ROBO1: variants seen among roughly 807,000 people sequenced by gnomAD.
ROBO1 encodes roundabout guidance receptor 1, also known as roundabout homolog 1.
Under a neutral mutation model 195.9 loss-of-function variants are expected in ROBO1, and 149 were observed. The ratio of observed to expected loss-of-function variants is 0.76; its 90% confidence interval spans 0.67 to 0.87. The LOEUF (loss-of-function observed/expected upper bound fraction) is 0.87, where lower values mean the gene tolerates loss of function less well. Ranked by LOEUF, ROBO1 falls within the 40% of genes least tolerant of loss-of-function variation. The pLI, the probability that ROBO1 is intolerant of heterozygous loss-of-function variation, is 0.00. For synonymous variants in ROBO1, 816 were observed against 733.2 expected (o/e 1.11, Z -1.82); for missense variants, 1,933 against 2,068.3 (o/e 0.93, Z 1.27).
At chr3:79,040,666 A>T (rs1444462004) in intron 3 of ROBO1, among the ~76,000 whole-genome samples, 1 of 152,154 alleles carries the variant, frequency 6.6e-6, no homozygotes, top group Non-Finnish European at 1.5e-5. Flanking sequence ...TGTTGTTATT[A>T]GAGTGTTACT....
intron 2 of ROBO1, among the ~76,000 whole-genome samples, chr3:79,418,868 G>A (rs2106919305): frequency 6.6e-6 from 1 of 152,222 alleles, no homozygotes; most frequent in East Asian, 1.9e-4. Flanking sequence ...TTAATTCTAA[G>A]AGGGCTTGGG....
intron 8 of ROBO1, among the ~76,000 whole-genome samples, 164 bp downstream of exon 8, chr3:78,714,233 T>C (rs970576325): frequency 1.3e-5 from 2 of 152,182 alleles, no homozygotes; most frequent in Admixed American, 6.6e-5. Context: ...AGAGCTCCCA[T>C]AGGCAAAACA....
rs925005242 is a variant in ROBO1 at position 78,746,817 on chromosome 3, G to A, written c.583C>T (p.Arg195Ter). 2.5e-6 allele frequency: 4 copies of A among 1,603,102 alleles called. No individual in the cohort carries two copies. The highest frequency in any genetic ancestry group is 3.4e-6 in the Non-Finnish European group (4 of 1,172,204). Residue 195 changes from arginine (R) to a stop codon, truncating the protein, a stop_gained, in exon 5 of 31, where the codon CGA becomes TGA. Transcript: ENST00000464233. LOFTEE classifies it high-confidence loss of function. ...GAAATGGTGGGCTCAGGATGGCCTC[G>A]TGGAGGTTGGCATTCCATTACTGCA... is the stretch of plus-strand genomic sequence containing the variant. Reference protein sequence around the residue: ...EPAVMECQPPRGHPEPTISWK... With the variant: ...EPAVMECQPP
intron 2 of ROBO1, among the ~76,000 whole-genome samples, chr3:79,569,527 C>T (rs1175377572): frequency 1.3e-5 from 2 of 151,692 alleles, no homozygotes; most frequent in Non-Finnish European, 2.9e-5. Context: ...TTATTTTGTC[C>T]AACACTGAAC....
chr3:79,215,340 A>G (rs1460691770), intron 2 of ROBO1, among the ~76,000 whole-genome samples: 1 of 152,084 alleles, frequency 6.6e-6, no homozygotes, highest in Non-Finnish European at 1.5e-5. Context: ...TCTTCCATCT[A>G]TAACCTTTTT....
intron 1 of ROBO1, among the ~76,000 whole-genome samples, chr3:79,760,236 CAA>C (rs11451206): frequency 0.022 from 97 of 4,418 alleles, no homozygotes; most frequent in Non-Finnish European, 0.028. Context: ...GACCCTATCT[CAA>C]AAAAAAAAAA....
At chr3:79,148,252 C>T (rs536485394) in intron 2 of ROBO1, among the ~76,000 whole-genome samples, 164 of 151,784 alleles carry the variant, frequency 1.1e-3, no homozygotes, top group Middle Eastern at 6.8e-3. Flanking sequence ...AACAGCACCA[C>T]GATGGTAAAC....
At chr3:79,679,267 T>C (rs1030336800) in intron 1 of ROBO1, among the ~76,000 whole-genome samples, 1 of 151,986 alleles carries the variant, frequency 6.6e-6, no homozygotes, top group Non-Finnish European at 1.5e-5. Context: ...AAACAACGTG[T>C]CTTTGATTTT....
At chr3:79,313,420 G>A (rs567002575) in intron 2 of ROBO1, among the ~76,000 whole-genome samples, 1 of 152,158 alleles carries the variant, frequency 6.6e-6, no homozygotes, top group Non-Finnish European at 1.5e-5. Flanking sequence ...TAAGACTGAT[G>A]GATTGTCTAC....
At position 79,714,792 on chromosome 3, in the gene ROBO1, G is replaced by T. The variant is rs1702417104; in HGVS notation, c.-51+52960C>A. On this transcript the variant is annotated intron_variant, in intron 1 of 30. Transcript: ENST00000464233. ...ATGTTCTCACTCATAGGTGGGAATTGAACAATGGGAACACATGGGCACAGA... is the reference window on the plus strand; with the variant it reads ...ATGTTCTCACTCATAGGTGGGAATTTAACAATGGGAACACATGGGCACAGA... Among the ~76,000 whole-genome samples, 7 of 146,032 alleles carry T rather than the reference G, an allele frequency of 4.8e-5. 1 individual carries two copies. In the South Asian group the frequency reaches 1.5e-3, roughly 32 times the overall value.
intron 4 of ROBO1, among the ~76,000 whole-genome samples, chr3:78,810,397 G>C (rs1356384268): frequency 6.6e-6 from 1 of 152,070 alleles, no homozygotes; most frequent in Non-Finnish European, 1.5e-5. Context: ...GCATGGGAAA[G>C]TGAATGCCAG....
At chr3:79,244,905 A>AT (rs2082596194) in intron 2 of ROBO1, among the ~76,000 whole-genome samples, 1 of 151,996 alleles carries the variant, frequency 6.6e-6, no homozygotes, top group Non-Finnish European at 1.5e-5. Flanking sequence ...ACATAAGGGC[A>AT]TTCTGAAATT....
chr3:78,618,663 GT>G (rs1704270952), intron 26 of ROBO1, among the ~76,000 whole-genome samples: 1 of 151,832 alleles, frequency 6.6e-6, no homozygotes, highest in African/African-American at 2.4e-5. Flanking sequence ...TTCGCTATGA[GT>G]TTCATTAAAG....
intron 1 of ROBO1, among the ~76,000 whole-genome samples, chr3:79,651,753 GC>G (rs1381260022): frequency 3.9e-5 from 6 of 152,076 alleles, no homozygotes; most frequent in Non-Finnish European, 7.4e-5. Flanking sequence ...TTCATTTGGT[GC>G]CAAAAAGTAT....
At chr3:78,706,168 A>G (rs1400683959) in intron 8 of ROBO1, among the ~76,000 whole-genome samples, 1 of 152,032 alleles carries the variant, frequency 6.6e-6, no homozygotes, top group Non-Finnish European at 1.5e-5. Context: ...GGAGTGTCTG[A>G]AAAGCTTGCT....
intron 10 of ROBO1, among the ~76,000 whole-genome samples, chr3:78,672,323 T>C (rs965265061): frequency 6.6e-6 from 1 of 152,150 alleles, no homozygotes; most frequent in African/African-American, 2.4e-5. Context: ...CTCACGCCTG[T>C]AATCCTGCAC....
intron 3 of ROBO1, among the ~76,000 whole-genome samples, chr3:78,963,686 T>G (rs950237558): frequency 6.6e-6 from 1 of 151,420 alleles, no homozygotes; most frequent in Non-Finnish European, 1.5e-5. Context: ...CCTGGCTAAT[T>G]TTTTGTATTT....
chr3:79,063,524 A>AT (rs1409829870), intron 3 of ROBO1, among the ~76,000 whole-genome samples: 1 of 151,442 alleles, frequency 6.6e-6, no homozygotes, highest in African/African-American at 2.4e-5. Context: ...AAAAAAAAAA[A>AT]AAATGGACCT....
chr3:78,938,353 AC>A (rs2039933294), intron 4 of ROBO1: 3 of 432,276 alleles, frequency 6.9e-6, no homozygotes, highest in African/African-American at 6.0e-5. Context: ...AAACTTTCCA[AC>A]AGAAAATCAC....
Sources: allele counts gnomAD v4.1 joint callset (sites outside exome capture counted in the v4.1 genomes callset), GRCh38; gene constraint gnomAD v4.1.1; transcripts MANE v1.5; gene names NCBI Gene and HGNC (gene_info 2026-07-23, HGNC 2026-07-21).